The following CNTN3 variants were observed in gnomAD, a reference collection of about 807,000 sequenced individuals.
CNTN3 encodes the protein contactin-3.
A neutral mutation model predicts 119.1 loss-of-function variants in CNTN3; 60 were observed. The observed-to-expected ratio is 0.50, with a 90% confidence interval of 0.41 to 0.62. The LOEUF is 0.62. CNTN3 is among the 20% of genes least tolerant of loss of function. The pLI is 0.00. For missense variants in CNTN3, 1,101 were observed against 1,242.4 expected, an observed-to-expected ratio of 0.89 and a Z score of 1.71; for synonymous variants, 450 against 438.7, an observed-to-expected ratio of 1.03 and a Z score of -0.32.
intron 2 of CNTN3, among the ~76,000 whole-genome samples, chr3:74,517,430 G>A (rs778589519): frequency 1.3e-5 from 2 of 151,842 alleles, no homozygotes; most frequent in African/African-American, 2.4e-5. Flanking sequence ...GAAAGCAAAC[G>A]GTTCATTTAC....
At chr3:74,443,094 G>A (rs1206586031) in intron 4 of CNTN3, among the ~76,000 whole-genome samples, 1 of 151,766 alleles carries the variant, frequency 6.6e-6, no homozygotes, top group Non-Finnish European at 1.5e-5. Context: ...TGGGGTGGAG[G>A]AGAAGGAAAG....
intron 1 of CNTN3, among the ~76,000 whole-genome samples, chr3:74,562,982 T>C (rs1156560297): frequency 1.3e-5 from 2 of 152,148 alleles, no homozygotes; most frequent in Non-Finnish European, 2.9e-5. Context: ...TTGAGAATAA[T>C]GATAAAGCGG....
In CNTN3 at chr3:74,364,415, T is replaced by G. The variant is rs945627146; in HGVS notation, c.1213+52A>C. 49 of 1,554,592 alleles carry G rather than the reference T, an allele frequency of 3.2e-5. No individual in the cohort carries two copies. In the Admixed American group the frequency reaches 6.1e-4, roughly 19 times the overall value. On this transcript the variant is annotated intron_variant, in intron 10 of 22. Coordinates refer to ENST00000263665, the MANE Select transcript of CNTN3 (RefSeq NM_020872.3). ...TAAATATTACTGCTTCTGGAAACAA[T>G]GAAGGATTTAAGACAAAAAATTAAG...
intron 1 of CNTN3, among the ~76,000 whole-genome samples, chr3:74,605,794 T>C (rs1175940974): frequency 1.3e-5 from 2 of 152,152 alleles, no homozygotes; most frequent in Non-Finnish European, 2.9e-5. Context: ...ATAACGTCAG[T>C]TGAGCCACAT....
intron 4 of CNTN3, among the ~76,000 whole-genome samples, chr3:74,436,921 C>T (rs1383880540): frequency 6.6e-6 from 1 of 152,152 alleles, no homozygotes; most frequent in Non-Finnish European, 1.5e-5. Flanking sequence ...TACTGTCCAA[C>T]CCTTTCTCAA....
chr3:74,468,700 C>A (rs1210659768), intron 4 of CNTN3, among the ~76,000 whole-genome samples: 2 of 152,148 alleles, frequency 1.3e-5, no homozygotes, highest in East Asian at 3.9e-4. Flanking sequence ...TCCATGAATG[C>A]AACTGCAGTT....
chr3:74,295,051 G>A, intron 19 of CNTN3, 70 bp downstream of exon 19: 1 of 1,047,784 alleles, frequency 9.5e-7, no homozygotes. Context: ...TCATTGTTAA[G>A]GGTTTTAAAT....
chr3:74,379,629 T>G (rs189212990), intron 5 of CNTN3, among the ~76,000 whole-genome samples: 75 of 152,294 alleles, frequency 4.9e-4, no homozygotes, highest in African/African-American at 1.8e-3. Flanking sequence ...TCATGAGGAA[T>G]TATTTTAAAG....
intron 11 of CNTN3, among the ~76,000 whole-genome samples, chr3:74,354,501 A>G (rs1055231694): frequency 8.5e-5 from 13 of 152,126 alleles, no homozygotes; most frequent in African/African-American, 3.1e-4. Flanking sequence ...AAAGAGACAA[A>G]ACATACAGTT....
chr3:74,370,153 C>G (rs1704301564), intron 6 of CNTN3, among the ~76,000 whole-genome samples, 162 bp from the exon 7 acceptor site: 1 of 152,044 alleles, frequency 6.6e-6, no homozygotes, highest in Non-Finnish European at 1.5e-5. Flanking sequence ...CTTTTAACAG[C>G]CATCAAGTTG....
intron 13 of CNTN3, among the ~76,000 whole-genome samples, chr3:74,305,951 T>C (rs912556092): frequency 1.3e-5 from 2 of 151,960 alleles, no homozygotes; most frequent in African/African-American, 4.8e-5. Flanking sequence ...GTAACATGAC[T>C]GTAATTCCAA....
chr3:74,289,377 G>T (rs1235130856), intron 19 of CNTN3, among the ~76,000 whole-genome samples: 10 of 152,136 alleles, frequency 6.6e-5, no homozygotes. Context: ...AAACAGGCAA[G>T]CGGCAATGCA....
In CNTN3 at chr3:74,501,351, C is replaced by G. The variant is rs1384886443; in HGVS notation, c.56-1566G>C. 2.6e-5 allele frequency among the ~76,000 whole-genome samples: 4 copies of G among 151,952 alleles called. 1 individual carries two copies. The highest frequency in any genetic ancestry group is 2.6e-4 in the Admixed American group (4 of 15,226). ...TCTAGACACGGAGGCTCAACGAGTT[C>G]CTGGTTGGCTATCATACTCCTTGAG... On this transcript the variant is annotated intron_variant, in intron 2 of 22. Transcript: ENST00000263665.
intron 13 of CNTN3, among the ~76,000 whole-genome samples, chr3:74,314,125 C>T (rs998454927): frequency 6.6e-6 from 1 of 152,034 alleles, no homozygotes; most frequent in African/African-American, 2.4e-5. Flanking sequence ...TTTCAACATG[C>T]AAATTTTGAG....
chr3:74,458,372 G>C (rs553035094), intron 4 of CNTN3, among the ~76,000 whole-genome samples: 1 of 152,098 alleles, frequency 6.6e-6, no homozygotes, highest in East Asian at 1.9e-4. Context: ...TGGTCTGAGA[G>C]CTAAAAATGG....
intron 2 of CNTN3, among the ~76,000 whole-genome samples, chr3:74,517,484 G>A (rs1396883390): frequency 6.6e-6 from 1 of 151,862 alleles, no homozygotes; most frequent in Non-Finnish European, 1.5e-5. Flanking sequence ...TTGTGCTAGG[G>A]TCAACTGTAT....
chr3:74,502,868 C>T (rs913456207), intron 2 of CNTN3, among the ~76,000 whole-genome samples: 8 of 152,228 alleles, frequency 5.3e-5, no homozygotes, highest in East Asian at 3.9e-4. Flanking sequence ...ATAAACACTA[C>T]GCATGTTTAT....
At chr3:74,296,719 G>C (rs78808037) in intron 18 of CNTN3, among the ~76,000 whole-genome samples, 10 of 152,112 alleles carry the variant, frequency 6.6e-5, no homozygotes, top group Non-Finnish European at 1.0e-4. Flanking sequence ...TTACTATTAG[G>C]AATTTTGGCA....
In CNTN3 at chr3:74,364,449, A is replaced by G. The variant is rs1218106833; in HGVS notation, c.1213+18T>C. 1 of 1,604,042 alleles carries G rather than the reference A, an allele frequency of 6.2e-7. No individual in the cohort carries two copies. The highest frequency in any genetic ancestry group is 1.3e-5 in the African/African-American group (1 of 74,626). On this transcript the variant is annotated intron_variant, in intron 10 of 22. Transcript: ENST00000263665. ...TAAGACAAAAAATTAAGAGAAGAGC[A>G]GAGAAAATCAGCCTTACCAACAACT...
Sources: allele counts gnomAD v4.1 joint callset (sites outside exome capture counted in the v4.1 genomes callset), GRCh38; gene constraint gnomAD v4.1.1; transcripts MANE v1.5; gene names NCBI Gene and HGNC (gene_info 2026-07-23, HGNC 2026-07-21).